Variants in DDC observed in about 807,000 individuals in gnomAD.
DDC encodes the protein dopa decarboxylase, also known as aromatic-L-amino-acid decarboxylase.
DDC carries 43 observed loss-of-function variants against 60.0 expected under a neutral mutation model. The observed-to-expected ratio is 0.72, with a 90% confidence interval of 0.56 to 0.92. The LOEUF (loss-of-function observed/expected upper bound fraction) is 0.92, where lower values mean the gene tolerates loss of function less well. Among genes scored for constraint, DDC ranks in the 40% least tolerant of loss-of-function variants. The probability of loss-of-function intolerance (pLI) is 0.00; values close to 1 mark genes in which losing one functional copy is unlikely to be tolerated. For synonymous variants in DDC, 232 were observed against 234.6 expected (o/e 0.99, Z 0.10); for missense variants, 573 against 620.2 (o/e 0.92, Z 0.81).
intron 4 of DDC, among the ~76,000 whole-genome samples, chr7:50,530,622 C>A (rs2044172987): frequency 6.6e-6 from 1 of 152,166 alleles, no homozygotes; most frequent in African/African-American, 2.4e-5. Context: ...CCCAAATCAG[C>A]AGCTAGGTAG....
chr7:50,468,080 C>T lies in DDC; in HGVS notation c.1141-765G>A, dbSNP rs749669149. 7.9e-5 allele frequency among the ~76,000 whole-genome samples: 12 copies of T among 152,296 alleles called. 1 individual carries two copies. Among genetic ancestry groups the T allele is most frequent in the Admixed American group, 1.3e-4 (2 of 15,294 alleles). The stretch of plus-strand genomic sequence containing the variant: ...CCGTGCCTTGCTCATTCTAAGCCCG[C>T]GGATACAGCAGGGCCCCCATGTTGC... On this transcript the variant is annotated intron_variant, in intron 12 of 14. Coordinates refer to ENST00000444124, the MANE Select transcript of DDC (RefSeq NM_001082971.2).
chr7:50,526,924 C>A (rs895699216), intron 6 of DDC, among the ~76,000 whole-genome samples: 6 of 152,180 alleles, frequency 3.9e-5, no homozygotes, highest in African/African-American at 1.4e-4. Flanking sequence ...TATGACAATT[C>A]TAAATGTGTA....
chr7:50,495,558 G>T, intron 8 of DDC, 141 bp from the exon 9 acceptor site: 1 of 695,704 alleles, frequency 1.4e-6, no homozygotes, highest in Non-Finnish European at 2.6e-6. Context: ...GCCCAGGGGA[G>T]TAGTAACTTG....
At chr7:50,477,304 A>G (rs1463623633) in intron 10 of DDC, among the ~76,000 whole-genome samples, 1 of 152,254 alleles carries the variant, frequency 6.6e-6, no homozygotes, top group Non-Finnish European at 1.5e-5. Context: ...GGGAGTTTCT[A>G]TTAATACAAG....
rs886062373 is a variant in DDC, at chr7:50,529,243, T to G, written c.535A>C (p.Ile179Leu). 1.9e-6 allele frequency: 3 copies of G among 1,613,718 alleles called. No individual in the cohort carries two copies. The highest frequency in any genetic ancestry group is 4.5e-5 in the East Asian group (2 of 44,882). The stretch of plus-strand genomic sequence containing the variant: ...GAGTAAGCCACCAGCTTCTCCATGA[T>G]AGCGGCCTGTGTGAGCTCTGGGGAC... ...AASPELTQAA[I>L]MEKLVAYSSD... Residue 179 changes from isoleucine (I) to leucine (L), a missense_variant, in exon 5 of 15, where the codon ATC (isoleucine) becomes CTC (leucine). By Grantham distance (5) the Ile-to-Leu change is conservative. Coordinates refer to ENST00000444124, the MANE Select transcript of DDC (RefSeq NM_001082971.2).
At chr7:50,462,226 C>CAAAAAGAAAAAAAAAAAAA (rs2042290319) in intron 14 of DDC, among the ~76,000 whole-genome samples, 1 of 75,380 alleles carries the variant, frequency 1.3e-5, no homozygotes, top group African/African-American at 5.5e-5. Flanking sequence ...GACAAAAAGA[C>CAAAAAGAAAAAAAAAAAAA]AAAAAAAAAA....
At chr7:50,523,069 C>T (rs1425166069) in intron 6 of DDC, among the ~76,000 whole-genome samples, 6 of 152,136 alleles carry the variant, frequency 3.9e-5, no homozygotes, top group African/African-American at 7.2e-5. Flanking sequence ...CACATGGATT[C>T]GGGTTGGGAC....
intron 12 of DDC, among the ~76,000 whole-genome samples, chr7:50,468,931 ATTTTTT>A (rs36005269): frequency 9.3e-5 from 8 of 86,162 alleles, no homozygotes; most frequent in African/African-American, 3.5e-4. Context: ...CAGTTTCCTC[ATTTTTT>A]TTTTTTTTTT....
At chr7:50,466,944 T>C (rs1443109694) in intron 13 of DDC, among the ~76,000 whole-genome samples, 1 of 152,144 alleles carries the variant, frequency 6.6e-6, no homozygotes, top group African/African-American at 2.4e-5. Context: ...GATGGAGCCT[T>C]GAGGAAGGAA....
chr7:50,539,777 T>C, intron 3 of DDC, 138 bp downstream of exon 3: 1 of 692,642 alleles, frequency 1.4e-6, no homozygotes, highest in South Asian at 1.5e-5. Context: ...GAATCCTTTC[T>C]CCTCCCTGCA....
chr7:50,516,259 T>G (rs921396170), intron 6 of DDC, among the ~76,000 whole-genome samples: 1 of 152,150 alleles, frequency 6.6e-6, no homozygotes, highest in African/African-American at 2.4e-5. Context: ...AAACTGGAAA[T>G]TATCTCCAAG....
At chr7:50,539,672 G>A (rs2044547345) in intron 3 of DDC, among the ~76,000 whole-genome samples, 1 of 152,192 alleles carries the variant, frequency 6.6e-6, no homozygotes, top group Non-Finnish European at 1.5e-5. Flanking sequence ...TTCATACCAA[G>A]TGCTTCCAAC....
chr7:50,527,139 G>A (rs549070386), intron 6 of DDC, among the ~76,000 whole-genome samples: 3 of 152,180 alleles, frequency 2.0e-5, no homozygotes, highest in South Asian at 4.2e-4. Context: ...CATATATTTC[G>A]CATGTTTTCC....
intron 7 of DDC, 42 bp downstream of exon 7, chr7:50,503,951 C>T (rs1264244071): frequency 7.1e-7 from 1 of 1,410,266 alleles, no homozygotes; most frequent in African/African-American, 1.4e-5. Flanking sequence ...TCCCCGTGTA[C>T]AGAGAACATT....
chr7:50,543,806 G>T, intron 2 of DDC, 79 bp downstream of exon 2: 1 of 1,362,186 alleles, frequency 7.3e-7, no homozygotes, highest in Non-Finnish European at 1.0e-6. Flanking sequence ...TTGAAACAAA[G>T]TATGTGAATT....
At chr7:50,471,465 C>T (rs1197405413) in intron 11 of DDC, among the ~76,000 whole-genome samples, 2 of 152,108 alleles carry the variant, frequency 1.3e-5, no homozygotes, top group Non-Finnish European at 2.9e-5. Flanking sequence ...GCTCAAGGGC[C>T]CAGAGCCATG....
intron 13 of DDC, among the ~76,000 whole-genome samples, chr7:50,464,611 T>G (rs981996768): frequency 6.6e-6 from 1 of 152,150 alleles, no homozygotes. Context: ...TGCTTGCCAT[T>G]TTCAAACAGA....
chr7:50,492,517 TAGGAAGGTAAGAGGTTCCTCA>T, intron 9 of DDC: 1 of 194,186 alleles, frequency 5.1e-6, no homozygotes, highest in South Asian at 1.4e-4. Context: ...TTCAAGCCCA[TAGGAAGGTAAGAGGTTCCTCA>T]AGTATTGCAA....
At chr7:50,542,615 G>A (rs76481138) in intron 2 of DDC, 1 of 152,206 alleles carries the variant, frequency 6.6e-6, no homozygotes, top group African/African-American at 2.4e-5. Context: ...CGCAGTGAAT[G>A]CCCCCATAGA....
Sources: gnomAD v4.1 joint callset for allele counts (sites outside exome capture counted in the v4.1 genomes callset) on GRCh38, gnomAD v4.1.1 for gene constraint, MANE v1.5 for transcripts, NCBI Gene and HGNC (gene_info 2026-07-23, HGNC 2026-07-21) for gene names.